The following APBA1 variants were observed in gnomAD, a reference collection of about 807,000 sequenced individuals.
APBA1 encodes amyloid beta precursor protein binding family A member 1, also known as amyloid-beta A4 precursor protein-binding family A member 1.
Under a neutral mutation model 86.6 loss-of-function variants are expected in APBA1, and 55 were observed. The ratio of observed to expected loss-of-function variants is 0.64; its 90% CI spans 0.51 to 0.80. The LOEUF is 0.80. APBA1 is among the 30% of genes least tolerant of loss of function. The probability of loss-of-function intolerance (pLI) is 0.00; values close to 1 mark genes in which losing one functional copy is unlikely to be tolerated. For synonymous variants in APBA1, 511 were observed against 493.9 expected, an observed-to-expected ratio of 1.03 and a Z score of -0.46; for missense variants, 1,090 against 1,183.0, an observed-to-expected ratio of 0.92 and a Z score of 1.15.
At chr9:69,625,538 G>A (rs1822910719) in intron 1 of APBA1, among the ~76,000 whole-genome samples, 1 of 152,068 alleles carries the variant, frequency 6.6e-6, no homozygotes. Context: ...CGGTGAATAT[G>A]GAGAACACTG....
chr9:69,567,724 G>C (rs1028492221), intron 1 of APBA1, among the ~76,000 whole-genome samples: 1 of 152,132 alleles, frequency 6.6e-6, no homozygotes, highest in Non-Finnish European at 1.5e-5. Flanking sequence ...ACTAATGCAG[G>C]GTTTCCAGCA....
At chr9:69,580,311 G>C (rs1237712351) in intron 1 of APBA1, among the ~76,000 whole-genome samples, 1 of 152,070 alleles carries the variant, frequency 6.6e-6, no homozygotes, top group Non-Finnish European at 1.5e-5. Flanking sequence ...GTGGTTTCAG[G>C]GTTAACACTG....
At chr9:69,611,870 T>C (rs960035577) in intron 1 of APBA1, among the ~76,000 whole-genome samples, 1 of 152,190 alleles carries the variant, frequency 6.6e-6, no homozygotes, top group Admixed American at 6.5e-5. Flanking sequence ...ATATTAACTA[T>C]ATAGTAATGA....
chr9:69,528,478 C>T (rs1836376436), intron 1 of APBA1, among the ~76,000 whole-genome samples: 1 of 151,958 alleles, frequency 6.6e-6, no homozygotes, highest in Non-Finnish European at 1.5e-5. Context: ...GCAAATTTTA[C>T]AGAAAACTCA....
At chr9:69,460,515 T>C (rs1305100569) in intron 5 of APBA1, among the ~76,000 whole-genome samples, 1 of 152,206 alleles carries the variant, frequency 6.6e-6, no homozygotes, top group African/African-American at 2.4e-5. Flanking sequence ...TGAAATGATA[T>C]GGCAGTAATA....
At chr9:69,495,062 G>A (rs1835774119) in intron 2 of APBA1, among the ~76,000 whole-genome samples, 1 of 152,054 alleles carries the variant, frequency 6.6e-6, no homozygotes, top group African/African-American at 2.4e-5. Context: ...ATGCTGACGG[G>A]GAGAAAGCAA....
At position 69,471,651 on chromosome 9, in the gene APBA1, C is replaced by T. The variant is rs773283567; in HGVS notation, c.1336+5G>A. 1.2e-6 allele frequency: 2 copies of T among 1,613,164 alleles called. No individual in the cohort carries two copies. Among genetic ancestry groups the T allele is most frequent in the Admixed American group, 1.7e-5 (1 of 59,962 alleles). ...AGTGCTCAGTATTTTCTTTTCAGCT[C>T]TTACCTTCAACGTAGGTTGGGAATG... is the stretch of plus-strand genomic sequence containing the variant. On this transcript the variant is annotated splice_donor_5th_base_variant and intron_variant, in intron 4 of 12. Coordinates refer to ENST00000265381, the MANE Select transcript of APBA1 (RefSeq NM_001163.4).
intron 10 of APBA1, 34 bp from the exon 11 acceptor site, chr9:69,441,149 A>T (rs1472177291): frequency 6.3e-7 from 1 of 1,596,760 alleles, no homozygotes; most frequent in African/African-American, 1.3e-5. Flanking sequence ...GGGTATGGTG[A>T]CCACTGAGGC....
intron 1 of APBA1, among the ~76,000 whole-genome samples, chr9:69,556,134 C>A (rs1438231497): frequency 6.6e-6 from 1 of 152,128 alleles, no homozygotes; most frequent in African/African-American, 2.4e-5. Context: ...TGAATGAAGT[C>A]TTTCATAGGA....
intron 1 of APBA1, among the ~76,000 whole-genome samples, chr9:69,568,455 A>G (rs1328911392): frequency 1.3e-5 from 2 of 152,228 alleles, no homozygotes; most frequent in African/African-American, 4.8e-5. Context: ...CTACAAAAAT[A>G]CAGCCAGAAT....
At chr9:69,503,172 C>G (rs1410597326) in intron 2 of APBA1, among the ~76,000 whole-genome samples, 1 of 152,074 alleles carries the variant, frequency 6.6e-6, no homozygotes, top group Non-Finnish European at 1.5e-5. Context: ...TCCAGGAAAG[C>G]AGTAACAATG....
At chr9:69,654,494 GAAAGA>G in intron 1 of APBA1, among the ~76,000 whole-genome samples, 1 of 152,010 alleles carries the variant, frequency 6.6e-6, no homozygotes, top group Middle Eastern at 3.4e-3. Context: ...AGAAAGCAAA[GAAAGA>G]AAAGAAAAGA....
intron 1 of APBA1, among the ~76,000 whole-genome samples, chr9:69,547,570 T>C (rs1489059588): frequency 1.3e-5 from 2 of 152,214 alleles, no homozygotes; most frequent in African/African-American, 2.4e-5. Context: ...GTTCTCTTAG[T>C]AATGAAGAAA....
At chr9:69,658,222 C>T (rs975538887) in intron 1 of APBA1, among the ~76,000 whole-genome samples, 26 of 104,304 alleles carry the variant, frequency 2.5e-4, no homozygotes, top group African/African-American at 6.3e-4. Flanking sequence ...AGTCCTTTCT[C>T]TCTTTCTTTC....
chr9:69,526,161 G>A (rs1273801978), intron 1 of APBA1, among the ~76,000 whole-genome samples: 1 of 151,992 alleles, frequency 6.6e-6, no homozygotes, highest in Non-Finnish European at 1.5e-5. Flanking sequence ...CATCAGCCTT[G>A]GGAAAGAATT....
chr9:69,529,554 A>G (rs1836392390), intron 1 of APBA1, among the ~76,000 whole-genome samples: 1 of 152,150 alleles, frequency 6.6e-6, no homozygotes, highest in Non-Finnish European at 1.5e-5. Flanking sequence ...ATCAGAATGT[A>G]AAGAGATATG....
At chr9:69,532,763 G>C (rs1019316917) in intron 1 of APBA1, among the ~76,000 whole-genome samples, 1 of 152,120 alleles carries the variant, frequency 6.6e-6, no homozygotes, top group African/African-American at 2.4e-5. Flanking sequence ...TCCAACTCAG[G>C]AAAATCACAC....
At chr9:69,461,251 C>T (rs1394563592) in intron 5 of APBA1, 1 of 152,088 alleles carries the variant, frequency 6.6e-6, no homozygotes, top group Non-Finnish European at 1.5e-5. Context: ...CCAGGAATGA[C>T]AACATCTATT....
At chr9:69,598,907 G>A (rs1191594377) in intron 1 of APBA1, among the ~76,000 whole-genome samples, 2 of 152,102 alleles carry the variant, frequency 1.3e-5, no homozygotes, top group Admixed American at 6.5e-5. Flanking sequence ...CATTGTTAGG[G>A]TATTTTTACT....
Sources: gnomAD v4.1 joint callset for allele counts (sites outside exome capture counted in the v4.1 genomes callset) on GRCh38, gnomAD v4.1.1 for gene constraint, MANE v1.5 for transcripts, NCBI Gene and HGNC (gene_info 2026-07-23, HGNC 2026-07-21) for gene names.